Variants in CNTN4 observed in about 807,000 individuals in gnomAD.
CNTN4 encodes the protein contactin 4, also known as contactin-4.
CNTN4 carries 77 observed loss-of-function variants against 122.5 expected under a neutral mutation model. The ratio of observed to expected loss-of-function variants is 0.63; its 90% CI spans 0.52 to 0.76. The LOEUF (loss-of-function observed/expected upper bound fraction) is 0.76. Ranked by LOEUF, CNTN4 falls within the 30% of genes least tolerant of loss-of-function variation. CNTN4 has a pLI of 0.00. For missense variants in CNTN4, 1,256 were observed against 1,259.1 expected (o/e 1.00, Z 0.04); for synonymous variants, 512 against 447.0 (o/e 1.15, Z -1.83).
intron 3 of CNTN4, among the ~76,000 whole-genome samples, chr3:2,438,188 A>G (rs936905258): frequency 6.6e-6 from 1 of 152,142 alleles, no homozygotes; most frequent in African/African-American, 2.4e-5. Flanking sequence ...AAAAGCGTTC[A>G]GCATTGTAGA....
chr3:2,194,978 A>G (rs1445788714), intron 2 of CNTN4, among the ~76,000 whole-genome samples: 1 of 152,140 alleles, frequency 6.6e-6, no homozygotes, highest in African/African-American at 2.4e-5. Flanking sequence ...ATATATTTAG[A>G]TTGTAGTCAC....
intron 7 of CNTN4, among the ~76,000 whole-genome samples, chr3:2,820,059 A>G (rs576665529): frequency 2.1e-4 from 32 of 152,300 alleles, no homozygotes; most frequent in African/African-American, 6.5e-4. Context: ...CAACGATTCA[A>G]TTCCATTTTG....
At chr3:2,572,922 G>A (rs2079489571) in intron 4 of CNTN4, among the ~76,000 whole-genome samples, 2 of 152,122 alleles carry the variant, frequency 1.3e-5, no homozygotes, top group African/African-American at 4.8e-5. Flanking sequence ...TCTATGCTAG[G>A]CAATATGCTA....
intron 2 of CNTN4, among the ~76,000 whole-genome samples, chr3:2,269,050 G>A (rs1476062360): frequency 5.9e-5 from 9 of 152,130 alleles, no homozygotes; most frequent in African/African-American, 2.2e-4. Flanking sequence ...TGATGCATTA[G>A]TTGCACTGCC....
chr3:2,184,546 G>C (rs974997874), intron 2 of CNTN4, among the ~76,000 whole-genome samples: 1 of 152,140 alleles, frequency 6.6e-6, no homozygotes, highest in Non-Finnish European at 1.5e-5. Context: ...CCACCCGCCT[G>C]CTGTGGTTTG....
intron 12 of CNTN4, among the ~76,000 whole-genome samples, chr3:2,920,549 T>C (rs2094418549): frequency 6.6e-6 from 1 of 152,008 alleles, no homozygotes; most frequent in African/African-American, 2.4e-5. Context: ...GTACTTTCTG[T>C]GGGTCTATAA....
intron 13 of CNTN4, among the ~76,000 whole-genome samples, chr3:2,980,209 T>C (rs557307858): frequency 6.6e-6 from 1 of 152,332 alleles, no homozygotes; most frequent in South Asian, 2.1e-4. Context: ...ACTGCTTCTC[T>C]ATGCTCTAGG....
chr3:2,306,684 A>G (rs1001380441), intron 2 of CNTN4, among the ~76,000 whole-genome samples: 2 of 152,148 alleles, frequency 1.3e-5, no homozygotes, highest in African/African-American at 4.8e-5. Context: ...CAAGGATTAC[A>G]TAGAATCTGT....
At chr3:2,698,831 A>G (rs1037054698) in intron 4 of CNTN4, among the ~76,000 whole-genome samples, 1 of 152,190 alleles carries the variant, frequency 6.6e-6, no homozygotes, top group Non-Finnish European at 1.5e-5. Flanking sequence ...CAGCCTGGCC[A>G]ACTTCGTGAA....
chr3:2,693,847 C>T (rs1418689605), intron 4 of CNTN4, among the ~76,000 whole-genome samples: 1 of 152,110 alleles, frequency 6.6e-6, no homozygotes, highest in Non-Finnish European at 1.5e-5. Context: ...AAGGGTATTT[C>T]CACTGCCTTC....
chr3:2,544,838 T>C (rs2078179831), intron 3 of CNTN4, among the ~76,000 whole-genome samples: 1 of 151,992 alleles, frequency 6.6e-6, no homozygotes, highest in Non-Finnish European at 1.5e-5. Context: ...GATTCATTGA[T>C]CTTTTGTGTG....
At chr3:2,825,547 A>C (rs966131386) in intron 7 of CNTN4, among the ~76,000 whole-genome samples, 1 of 152,074 alleles carries the variant, frequency 6.6e-6, no homozygotes, top group Non-Finnish European at 1.5e-5. Context: ...AAATTAGCCA[A>C]GTGTGGTGGT....
intron 4 of CNTN4, among the ~76,000 whole-genome samples, chr3:2,721,186 G>GGC (rs1361063278): frequency 1.3e-5 from 2 of 152,050 alleles, no homozygotes; most frequent in Non-Finnish European, 2.9e-5. Context: ...TGGCCAGACT[G>GGC]GTCTCCAACT....
chr3:2,866,823 A>T lies in CNTN4; in HGVS notation c.526A>T (p.Thr176Ser), dbSNP rs200414214. The change falls in exon 8 of 25, where the codon ACT (threonine) becomes TCT (serine). Residue 176 changes from threonine (T) to serine (S), a missense_variant. Physicochemically the swap from Thr to Ser is moderately conservative, Grantham distance 58 (BLOSUM62 1). Transcript: ENST00000418658. ...TAATCGCCGCTTTGTTTCTCAAGAG[A>T]CTGGGAATCTGTATATTGCCAAAGT... ...QDNRRFVSQETGNLYIAKVEK... is the reference protein window; with the variant it reads ...QDNRRFVSQESGNLYIAKVEK... 1.2e-6 allele frequency: 2 copies of T among 1,613,838 alleles called. No individual in the cohort carries two copies. Among genetic ancestry groups the T allele is most frequent in the East Asian group, 4.5e-5 (2 of 44,888 alleles).
intron 3 of CNTN4, among the ~76,000 whole-genome samples, chr3:2,439,343 A>G (rs954125436): frequency 1.3e-5 from 2 of 152,284 alleles, no homozygotes; most frequent in South Asian, 4.1e-4. Context: ...ATTTTGATGC[A>G]TACTGAAGTT....
intron 2 of CNTN4, among the ~76,000 whole-genome samples, chr3:2,314,049 A>G (rs1488243033): frequency 6.6e-6 from 1 of 152,028 alleles, no homozygotes; most frequent in Non-Finnish European, 1.5e-5. Context: ...TACTGTTTTT[A>G]TTTAATTTCA....
chr3:2,897,322 C>G (rs2094126020), intron 10 of CNTN4, among the ~76,000 whole-genome samples: 2 of 151,890 alleles, frequency 1.3e-5, no homozygotes. Context: ...TTAAGGAGTC[C>G]TAGAAGAATT....
intron 3 of CNTN4, among the ~76,000 whole-genome samples, chr3:2,419,318 T>C (rs993497179): frequency 9.2e-5 from 14 of 152,162 alleles, no homozygotes; most frequent in Non-Finnish European, 2.1e-4. Context: ...ATTAAGACTT[T>C]ATAGTTTTTA....
At chr3:2,446,571 C>A (rs560667209) in intron 3 of CNTN4, among the ~76,000 whole-genome samples, 10 of 152,282 alleles carry the variant, frequency 6.6e-5, no homozygotes, top group African/African-American at 2.4e-4. Flanking sequence ...CATTATCCTG[C>A]AGCTCATTTA....
Sources: allele counts gnomAD v4.1 joint callset (sites outside exome capture counted in the v4.1 genomes callset), GRCh38; gene constraint gnomAD v4.1.1; transcripts MANE v1.5; gene names NCBI Gene and HGNC (gene_info 2026-07-23, HGNC 2026-07-21).